The following PLB1 variants were observed in gnomAD, a reference collection of about 807,000 sequenced individuals.
PLB1 encodes phospholipase B1, also known as phospholipase B1, membrane-associated.
In PLB1, 242 loss-of-function variants were observed where a neutral mutation model predicts 227.4. The observed-to-expected ratio is 1.06, with a 90% CI of 0.96 to 1.18. The LOEUF is 1.18. PLB1 is among the 50% of genes most tolerant of loss of function. The pLI is 0.00. For missense variants in PLB1, 1,858 were observed against 1,816.3 expected (o/e 1.02, Z -0.42); for synonymous variants, 757 against 682.2 (o/e 1.11, Z -1.71).
At chr2:28,601,743 G>A (rs1306048798) in intron 37 of PLB1, 156 bp from the exon 38 acceptor site, 1 of 696,800 alleles carries the variant, frequency 1.4e-6, no homozygotes, top group Admixed American at 2.4e-5. Context: ...GTAGTCAACT[G>A]TTCATCTCAG....
intron 38 of PLB1, among the ~76,000 whole-genome samples, chr2:28,602,426 C>T (rs1684058413): frequency 6.6e-6 from 1 of 152,252 alleles, no homozygotes; most frequent in Non-Finnish European, 1.5e-5. Flanking sequence ...GCACTCTGAC[C>T]ACCAGATGCT....
intron 43 of PLB1, among the ~76,000 whole-genome samples, chr2:28,611,046 C>T (rs1443617494): frequency 6.6e-6 from 1 of 152,002 alleles, no homozygotes; most frequent in Non-Finnish European, 1.5e-5. Context: ...CAGCTAAAAA[C>T]AAGCCCAATA....
At chr2:28,578,283 C>T in intron 22 of PLB1, 125 bp downstream of exon 22, 2 of 857,364 alleles carry the variant, frequency 2.3e-6, no homozygotes, top group South Asian at 2.9e-5. Flanking sequence ...GCCTAAAACA[C>T]TGCTTCTCTG....
rs147469892 is a variant in PLB1 at position 28,629,114 on chromosome 2, C to T, written c.3747C>T (p.Asn1249=). ...TGCAGCTCCCAAGGGCTTTCGTCAA[C>T]GTGGTGGAGGTCATGGAGCTGGCTA... is the stretch of plus-strand genomic sequence containing the variant. ...LSEELPRAFV[N]VVEVMELASL... is the part of the protein sequence containing the mutation. Residue 1249 remains asparagine (N), a synonymous_variant, in exon 53 of 58, where the codon AAC becomes AAT. Transcript: ENST00000327757. The T allele has an allele frequency of 3.5e-4, 558 of 1,613,798 alleles. No homozygotes were observed. The highest frequency in any genetic ancestry group is 4.3e-4 in the Non-Finnish European group (505 of 1,179,860).
At chr2:28,499,253 T>G (rs1666811417) in intron 1 of PLB1, among the ~76,000 whole-genome samples, 2 of 152,150 alleles carry the variant, frequency 1.3e-5, no homozygotes, top group South Asian at 4.1e-4. Flanking sequence ...GCCATTACTT[T>G]TAATGCTGTT....
chr2:28,580,357 G>A (rs11679136), intron 23 of PLB1, among the ~76,000 whole-genome samples: 59,686 of 152,094 alleles, frequency 0.39, 12,403 homozygotes, highest in African/African-American at 0.53. Context: ...GAGACAGGCA[G>A]TTCATCACAG....
chr2:28,519,955 G>T (rs76704552), intron 4 of PLB1, among the ~76,000 whole-genome samples, 192 bp downstream of exon 4: 1 of 151,704 alleles, frequency 6.6e-6, no homozygotes, highest in African/African-American at 2.4e-5. Flanking sequence ...TTTTGAGACA[G>T]TCTCACTCTG....
chr2:28,618,591 C>G (rs1478261076), intron 46 of PLB1, 192 bp downstream of exon 46: 28 of 597,208 alleles, frequency 4.7e-5, no homozygotes, highest in Non-Finnish European at 4.7e-5. Context: ...CAGTTCTGCT[C>G]AAAGCCCCCT....
At chr2:28,627,125 C>T (rs967509529) in intron 51 of PLB1, among the ~76,000 whole-genome samples, 27 of 152,210 alleles carry the variant, frequency 1.8e-4, no homozygotes, top group African/African-American at 4.3e-4. Flanking sequence ...GAATGTTTGA[C>T]AGTCACAGAT....
At chr2:28,604,833 C>A in intron 41 of PLB1, 74 bp downstream of exon 41, 2 of 1,328,988 alleles carry the variant, frequency 1.5e-6, no homozygotes, top group Non-Finnish European at 2.1e-6. Context: ...GTTGCTTCCA[C>A]GAGCATGTGC....
At position 28,640,908 on chromosome 2, in the gene PLB1, G is replaced by A. The variant is rs761513162; in HGVS notation, c.4099-19G>A. ...TCCCAGCTTTGGAGAGAATCGAGGT[G>A]TCCTTTCTCTCTCTCCAGCTGGAAC... On this transcript the variant is annotated intron_variant, in intron 56 of 57. Coordinates refer to ENST00000327757, the MANE Select transcript of PLB1 (RefSeq NM_153021.5). 4.8e-5 allele frequency: 78 copies of A among 1,609,192 alleles called. 1 individual carries two copies. The South Asian group carries it at 7.6e-4, about 16-fold the overall frequency.
At chr2:28,534,311 T>C (rs1489710119) in intron 9 of PLB1, among the ~76,000 whole-genome samples, 1 of 152,220 alleles carries the variant, frequency 6.6e-6, no homozygotes, top group East Asian at 1.9e-4. Flanking sequence ...TACTTGACTA[T>C]GTGGAAGAGT....
At chr2:28,574,262 T>C (rs1678508435) in intron 21 of PLB1, among the ~76,000 whole-genome samples, 1 of 152,174 alleles carries the variant, frequency 6.6e-6, no homozygotes, top group Non-Finnish European at 1.5e-5. Context: ...TGTTTAGTGG[T>C]GATTTCTGAG....
intron 35 of PLB1, 94 bp downstream of exon 35, chr2:28,598,854 G>T: frequency 9.1e-7 from 1 of 1,100,202 alleles, no homozygotes; most frequent in Admixed American, 1.7e-5. Context: ...TATGTGCAAA[G>T]GGGCACTTAG....
intron 1 of PLB1, among the ~76,000 whole-genome samples, chr2:28,512,929 G>T (rs1043060267): frequency 1.3e-5 from 2 of 152,124 alleles, no homozygotes; most frequent in African/African-American, 4.8e-5. Flanking sequence ...TCAATTTCCA[G>T]TTACTCAGGG....
At position 28,578,106 on chromosome 2, in the gene PLB1, G is replaced by A; in HGVS notation, c.1434-1G>A. 3 of 1,614,086 alleles carry A rather than the reference G, an allele frequency of 1.9e-6. No individual in the cohort carries two copies. Among genetic ancestry groups the A allele is most frequent in the Non-Finnish European group, 2.5e-6 (3 of 1,179,944 alleles). ...GCACTTCCTCTGGTATGTTTCCACA[G>A]GGATCTACCTGTCCAGGCCAGGAGG... On this transcript the variant is annotated splice_acceptor_variant, in intron 21 of 57. Coordinates refer to ENST00000327757, the MANE Select transcript of PLB1 (RefSeq NM_153021.5). LOFTEE classifies it high-confidence loss of function.
chr2:28,629,244 G>A, intron 53 of PLB1, 59 bp downstream of exon 53: 2 of 1,531,270 alleles, frequency 1.3e-6, no homozygotes, highest in Non-Finnish European at 1.8e-6. Context: ...GGGCTTGCAG[G>A]TGCCAAAGGA....
intron 18 of PLB1, among the ~76,000 whole-genome samples, chr2:28,564,266 G>C (rs760321192): frequency 3.9e-5 from 6 of 152,096 alleles, no homozygotes; most frequent in Non-Finnish European, 7.4e-5. Flanking sequence ...GGTGAATGAA[G>C]CTGGGCAAGG....
chr2:28,549,979 C>T, intron 15 of PLB1, 31 bp from the exon 16 acceptor site: 1 of 1,583,698 alleles, frequency 6.3e-7, no homozygotes, highest in South Asian at 1.1e-5. Context: ...CTTCTAGGGT[C>T]ACGATTCCAA....
Sources: allele counts gnomAD v4.1 joint callset (sites outside exome capture counted in the v4.1 genomes callset), GRCh38; gene constraint gnomAD v4.1.1; transcripts MANE v1.5; gene names NCBI Gene and HGNC (gene_info 2026-07-23, HGNC 2026-07-21).